The following JADE3 variants were observed in gnomAD, a reference collection of about 807,000 sequenced individuals.
The protein encoded by JADE3 is protein Jade-3.
In JADE3, 2 loss-of-function variants were observed where a neutral mutation model predicts 50.1. The ratio of observed to expected loss-of-function variants is 0.04; its 90% confidence interval spans 0.02 to 0.13. The LOEUF is 0.13. JADE3 is among the 10% of genes least tolerant of loss of function. The pLI is 1.00. For synonymous variants in JADE3, 218 were observed against 232.9 expected, an observed-to-expected ratio of 0.94 and a Z score of 0.58; for missense variants, 475 against 634.4, an observed-to-expected ratio of 0.75 and a Z score of 2.70.
At chrX:46,931,729 A>C (rs1194673801) in intron 1 of JADE3, among the ~76,000 whole-genome samples, 1 of 112,111 alleles carries the variant, frequency 8.9e-6, no homozygotes, top group Non-Finnish European at 1.9e-5. Flanking sequence ...CAGCCTATAT[A>C]AATTTTTTTA....
chrX:46,971,728 G>A (rs927606182), intron 1 of JADE3, among the ~76,000 whole-genome samples: 2 of 107,512 alleles, frequency 1.9e-5, no homozygotes, highest in African/African-American at 3.4e-5. Context: ...CCTGGGAGGC[G>A]GAGCTTGCAG....
In JADE3 at chrX:47,058,866, G is replaced by A. The variant is rs781883396; in HGVS notation, c.2261G>A (p.Arg754Gln). Residue 754 changes from arginine to glutamine, a missense_variant, in exon 11 of 11, where the codon CGG (arginine) becomes CAG (glutamine). Physicochemically the swap from Arg to Gln is conservative, Grantham distance 43. Around this residue, in one of 6 missense-constraint regions of JADE3, gnomAD observed 243 missense variants for 238.2 expected, o/e 1.02. Transcript: ENST00000614628. ...EQFWGRQVLR[R>Q]SAGRAPYQEN... ...TTCTGGGGTAGACAGGTTCTCAGGC[G>A]GTCTGCAGGGAGAGCTCCATATCAG... The A allele has an allele frequency of 1.4e-5, 17 of 1,208,936 alleles. No individual in the cohort carries two copies. Among genetic ancestry groups the A allele is most frequent in the East Asian group, 1.2e-4 (4 of 33,749 alleles).
chrX:46,980,899 A>G (rs782504395), intron 1 of JADE3, among the ~76,000 whole-genome samples: 11 of 111,361 alleles, frequency 9.9e-5, no homozygotes, highest in African/African-American at 2.9e-4. Flanking sequence ...GGTGGGTCCA[A>G]TGTAATTACA....
At chrX:46,993,876 T>A (rs1170716666) in intron 3 of JADE3, among the ~76,000 whole-genome samples, 1 of 112,024 alleles carries the variant, frequency 8.9e-6, no homozygotes, top group Non-Finnish European at 1.9e-5. Context: ...CTGACAACTT[T>A]TTTTGCCTAA....
chrX:46,960,080 A>G (rs1434753776), intron 1 of JADE3, among the ~76,000 whole-genome samples: 3 of 110,824 alleles, frequency 2.7e-5, no homozygotes, highest in African/African-American at 9.8e-5. Context: ...AGCAGTCCTC[A>G]TTGCCCCTTC....
At chrX:46,924,348 A>G (rs1460278689) in intron 1 of JADE3, among the ~76,000 whole-genome samples, 1 of 112,192 alleles carries the variant, frequency 8.9e-6, no homozygotes, top group African/African-American at 3.2e-5. Context: ...GTCCTCCTAC[A>G]AGTTTATATG....
chrX:46,999,653 A>G (rs1928235847), intron 4 of JADE3, among the ~76,000 whole-genome samples: 1 of 109,510 alleles, frequency 9.1e-6, no homozygotes, highest in Admixed American at 1.0e-4. Flanking sequence ...CTTCATTTGC[A>G]TTAGACCTGA....
At chrX:46,992,010 C>T (rs1187723636) in intron 3 of JADE3, among the ~76,000 whole-genome samples, 1 of 110,836 alleles carries the variant, frequency 9.0e-6, no homozygotes, top group Non-Finnish European at 1.9e-5. Context: ...CCACTGCCCC[C>T]TGTTCCCTCA....
At chrX:46,917,834 C>CACCCTCT (rs1556336773) in intron 1 of JADE3, among the ~76,000 whole-genome samples, 37 of 42,526 alleles carry the variant, frequency 8.7e-4, no homozygotes, top group Admixed American at 1.3e-3. Context: ...TCTCTCTCAT[C>CACCCTCT]CTCTCTCTCT....
intron 10 of JADE3, 62 bp from the exon 11 acceptor site, chrX:47,058,105 C>T (rs1420777370): frequency 6.1e-6 from 6 of 984,177 alleles, no homozygotes; most frequent in Non-Finnish European, 8.5e-6. Flanking sequence ...CTCACTCTGC[C>T]ATAAGCACAA....
chrX:46,913,594 GT>G (rs782536580), intron 1 of JADE3, among the ~76,000 whole-genome samples: 10 of 110,702 alleles, frequency 9.0e-5, no homozygotes, highest in East Asian at 8.6e-4. Flanking sequence ...TTTGTTTGTT[GT>G]TTTTTTTAAT....
Position 46,996,004 on chromosome X carries a change from G to A in JADE3, c.127-2116G>A, listed in dbSNP as rs142418048. ...AAAAACAGGTATGAATTGGTTGGTG[G>A]TTTCCCAGACTTCACCTTCGTGGAG... On this transcript the variant is annotated intron_variant, in intron 3 of 10. Transcript: ENST00000614628. Among the ~76,000 whole-genome samples the A allele has an allele frequency of 3.6e-3, 402 of 112,515 alleles. 2 individuals carry two copies. Among genetic ancestry groups the A allele is most frequent in the Middle Eastern group, 9.2e-3 (2 of 218 alleles).
intron 3 of JADE3, among the ~76,000 whole-genome samples, chrX:46,990,042 A>T (rs1285061398): frequency 9.3e-6 from 1 of 107,664 alleles, no homozygotes; most frequent in African/African-American, 3.4e-5. Context: ...CCATTTGGTT[A>T]TTCTTTATAT....
chrX:47,013,511 A>G (rs1928607425), intron 4 of JADE3, among the ~76,000 whole-genome samples: 1 of 112,285 alleles, frequency 8.9e-6, no homozygotes, highest in Admixed American at 9.5e-5. Context: ...CGTAAGCTCC[A>G]TCAAGGTCAA....
At chrX:46,943,611 G>T (rs1165822745) in intron 1 of JADE3, among the ~76,000 whole-genome samples, 17 of 111,868 alleles carry the variant, frequency 1.5e-4, no homozygotes, top group African/African-American at 5.5e-4. Context: ...GCTGGATTTG[G>T]TTTGCTAGTA....
At chrX:47,012,990 A>G (rs1556362077) in intron 4 of JADE3, among the ~76,000 whole-genome samples, 1 of 111,505 alleles carries the variant, frequency 9.0e-6, no homozygotes, top group Non-Finnish European at 1.9e-5. Flanking sequence ...TTAGCAAGAA[A>G]TCCTAGTTTT....
chrX:47,000,798 C>T (rs781990052), intron 4 of JADE3, among the ~76,000 whole-genome samples: 8 of 111,578 alleles, frequency 7.2e-5, no homozygotes, highest in Non-Finnish European at 1.5e-4. Context: ...GTAATTTGTC[C>T]GCCTTGGCCT....
At chrX:46,994,607 G>A (rs1404575209) in intron 3 of JADE3, among the ~76,000 whole-genome samples, 1 of 111,584 alleles carries the variant, frequency 9.0e-6, no homozygotes, top group Non-Finnish European at 1.9e-5. Flanking sequence ...CCTTTGGAAC[G>A]TTAGTTAAAG....
In JADE3 at chrX:47,058,218, G is replaced by C. The variant is rs1276438401; in HGVS notation, c.1613G>C (p.Arg538Thr). 8 of 1,207,847 alleles carry C rather than the reference G, an allele frequency of 6.6e-6. No homozygotes were observed. Among genetic ancestry groups the C allele is most frequent in the Non-Finnish European group, 7.8e-6 (7 of 894,237 alleles). ...AACTCACTGTTTTACCCACCACCAAGAATTACCTTGAAGTTAAAAATGCCC... is the reference window on the plus strand; with the variant it reads ...AACTCACTGTTTTACCCACCACCAACAATTACCTTGAAGTTAAAAATGCCC... ...LENSLFYPPPRITLKLKMPKS... is the reference protein window; with the variant it reads ...LENSLFYPPPTITLKLKMPKS... Residue 538 changes from arginine to threonine, a missense_variant, in exon 11 of 11, where the codon AGA becomes ACA. Transcript: ENST00000614628.
Sources: allele counts gnomAD v4.1 joint callset (sites outside exome capture counted in the v4.1 genomes callset), GRCh38; gene constraint gnomAD v4.1.1; regional missense constraint gnomAD v4.1.1; transcripts MANE v1.5; gene names NCBI Gene and HGNC (gene_info 2026-07-23, HGNC 2026-07-21).